ROBO1: variants seen among roughly 807,000 people sequenced by gnomAD.
ROBO1 encodes roundabout homolog 1.
ROBO1 carries 149 observed loss-of-function variants against 195.9 expected under a neutral mutation model. The ratio of observed to expected loss-of-function variants is 0.76; its 90% confidence interval spans 0.67 to 0.87. The LOEUF (loss-of-function observed/expected upper bound fraction) is 0.87. Among genes scored for constraint, ROBO1 ranks in the 40% least tolerant of loss-of-function variants. The pLI, the probability that ROBO1 is intolerant of heterozygous loss-of-function variation, is 0.00. For synonymous variants in ROBO1, 816 were observed against 733.2 expected (o/e 1.11, Z -1.82); for missense variants, 1,933 against 2,068.3 (o/e 0.93, Z 1.27).
chr3:79,525,749 G>A (rs1173953869), intron 2 of ROBO1, among the ~76,000 whole-genome samples: 1 of 151,548 alleles, frequency 6.6e-6, no homozygotes, highest in Non-Finnish European at 1.5e-5. Context: ...GGGATTACAG[G>A]CATGTGCCAT....
chr3:79,034,526 G>A (rs1287012225), intron 3 of ROBO1, among the ~76,000 whole-genome samples: 3 of 152,164 alleles, frequency 2.0e-5, no homozygotes, highest in Admixed American at 6.6e-5. Context: ...GGAAGCTAAG[G>A]AAATATTTCA....
At chr3:78,933,096 A>G (rs2039619493) in intron 4 of ROBO1, among the ~76,000 whole-genome samples, 1 of 152,148 alleles carries the variant, frequency 6.6e-6, no homozygotes, top group African/African-American at 2.4e-5. Context: ...TTAACTAAGC[A>G]TAGTTTTAAG....
At chr3:78,925,324 C>G (rs927218663) in intron 4 of ROBO1, among the ~76,000 whole-genome samples, 1 of 152,086 alleles carries the variant, frequency 6.6e-6, no homozygotes, top group Non-Finnish European at 1.5e-5. Context: ...AGCTAATGAT[C>G]AGAATATGTA....
At chr3:79,506,224 G>A (rs1940386539) in intron 2 of ROBO1, among the ~76,000 whole-genome samples, 1 of 151,982 alleles carries the variant, frequency 6.6e-6, no homozygotes, top group Non-Finnish European at 1.5e-5. Flanking sequence ...TAGCAGTGAG[G>A]AATAACTGAA....
chr3:79,055,710 C>T (rs752745846), intron 3 of ROBO1, among the ~76,000 whole-genome samples: 3 of 151,996 alleles, frequency 2.0e-5, no homozygotes, highest in South Asian at 2.1e-4. Flanking sequence ...GACTCGGTCT[C>T]GGTCCAAAAC....
intron 3 of ROBO1, among the ~76,000 whole-genome samples, chr3:79,060,297 T>C (rs4068898): frequency 1 from 151,575 of 152,048 alleles, 75,557 homozygotes; most frequent in Middle Eastern, 1. Flanking sequence ...TTCACTCTGG[T>C]CATGTGATCT....
rs554355096 is a variant in ROBO1, at chr3:78,858,564, CAAA to C, written c.499+80034_499+80036del. ...GGCAACATGGCAAAACCCTGTCTACCAAAAAAAAAAAAAAAAAAAAAGGAGAAG... is the reference window on the plus strand; with the variant it reads ...GGCAACATGGCAAAACCCTGTCTACCAAAAAAAAAAAAAAAAAAGGAGAAG... On this transcript the variant is annotated intron_variant, in intron 4 of 30. Transcript: ENST00000464233. 3.0e-3 allele frequency among the ~76,000 whole-genome samples: 294 copies of C among 96,470 alleles called. 2 individuals are homozygous for C. The highest frequency in any genetic ancestry group is 5.6e-3 in the Middle Eastern group (1 of 180). The allele number at this position is 96,470 out of a possible 152,430, so 63.3% of individuals were successfully genotyped here.
At chr3:78,939,043 T>C in intron 3 of ROBO1, 116 bp from the exon 4 acceptor site, 1 of 854,478 alleles carries the variant, frequency 1.2e-6, no homozygotes, top group East Asian at 2.6e-5. Context: ...TGGCCTAGCC[T>C]TCCTACCCTA....
At chr3:79,652,353 C>T (rs964809112) in intron 1 of ROBO1, among the ~76,000 whole-genome samples, 5 of 151,906 alleles carry the variant, frequency 3.3e-5, no homozygotes, top group African/African-American at 1.2e-4. Flanking sequence ...TAGCTTTCTA[C>T]TATTTGCTAG....
chr3:79,516,425 T>C (rs1940946551), intron 2 of ROBO1, among the ~76,000 whole-genome samples: 1 of 152,040 alleles, frequency 6.6e-6, no homozygotes, highest in African/African-American at 2.4e-5. Context: ...GAATAAAAAG[T>C]TATGCAGTGG....
intron 3 of ROBO1, among the ~76,000 whole-genome samples, chr3:79,007,936 T>C (rs1352556055): frequency 6.6e-6 from 1 of 152,206 alleles, no homozygotes; most frequent in Middle Eastern, 3.2e-3. Flanking sequence ...CTCTTTACAA[T>C]ACAACGTCAT....
At chr3:78,913,643 A>G (rs2038385085) in intron 4 of ROBO1, among the ~76,000 whole-genome samples, 1 of 152,170 alleles carries the variant, frequency 6.6e-6, no homozygotes, top group Non-Finnish European at 1.5e-5. Flanking sequence ...ATGTATTAAT[A>G]TATTGTCTTA....
intron 5 of ROBO1, among the ~76,000 whole-genome samples, chr3:78,723,164 G>T (rs968559131): frequency 1.3e-5 from 2 of 152,110 alleles, no homozygotes; most frequent in African/African-American, 4.8e-5. Flanking sequence ...TGCGGCTGTT[G>T]TAAGATCGTT....
intron 3 of ROBO1, among the ~76,000 whole-genome samples, chr3:79,021,651 A>T (rs977791113): frequency 7.8e-5 from 6 of 76,888 alleles, no homozygotes; most frequent in African/African-American, 3.3e-4. Flanking sequence ...CCTAGAGATG[A>T]TTTTTTTTTT....
intron 3 of ROBO1, among the ~76,000 whole-genome samples, chr3:78,966,560 C>T (rs747375099): frequency 6.6e-6 from 1 of 152,134 alleles, no homozygotes; most frequent in Non-Finnish European, 1.5e-5. Context: ...TTTGAGAACA[C>T]CTGATTTCTT....
At chr3:78,789,035 G>C (rs2083937315) in intron 4 of ROBO1, among the ~76,000 whole-genome samples, 1 of 152,066 alleles carries the variant, frequency 6.6e-6, no homozygotes, top group Non-Finnish European at 1.5e-5. Context: ...CAAACACTAA[G>C]ATATGAAAGA....
At chr3:79,234,244 C>T (rs554864598) in intron 2 of ROBO1, among the ~76,000 whole-genome samples, 1 of 152,046 alleles carries the variant, frequency 6.6e-6, no homozygotes, top group South Asian at 2.1e-4. Context: ...GAAGACTTAG[C>T]CATAAATTCT....
intron 3 of ROBO1, among the ~76,000 whole-genome samples, chr3:79,040,765 C>A (rs2078472523): frequency 6.6e-6 from 1 of 152,158 alleles, no homozygotes; most frequent in South Asian, 2.1e-4. Flanking sequence ...ACTACAATTC[C>A]TAGCTCTTGA....
intron 2 of ROBO1, among the ~76,000 whole-genome samples, chr3:79,222,928 T>A (rs2082166202): frequency 6.6e-6 from 1 of 152,176 alleles, no homozygotes; most frequent in Admixed American, 6.6e-5. Context: ...TACCCAGATT[T>A]TCTTTCTGGT....
Sources: gnomAD v4.1 joint callset for allele counts (sites outside exome capture counted in the v4.1 genomes callset) on GRCh38, gnomAD v4.1.1 for gene constraint, MANE v1.5 for transcripts, NCBI Gene and HGNC (gene_info 2026-07-23, HGNC 2026-07-21) for gene names.